PKIB: variants seen among roughly 807,000 people sequenced by gnomAD.
The protein encoded by PKIB is cAMP-dependent protein kinase inhibitor beta.
In PKIB, 2 loss-of-function variants were observed where a neutral mutation model predicts 4.5. The ratio of observed to expected loss-of-function variants is 0.44; its 90% confidence interval spans 0.18 to 1.39. The LOEUF is 1.39. PKIB is among the 40% of genes most tolerant of loss of function. PKIB has a pLI of 0.27. For synonymous variants in PKIB, 38 were observed against 36.0 expected, an observed-to-expected ratio of 1.06 and a Z score of -0.20; for missense variants, 94 against 92.6, an observed-to-expected ratio of 1.02 and a Z score of -0.06.
intron 2 of PKIB, among the ~76,000 whole-genome samples, chr6:122,671,215 CCAGGAGGCGGAGGTTG>C (rs1239379249): frequency 6.6e-6 from 1 of 151,776 alleles, no homozygotes; most frequent in East Asian, 1.9e-4. Context: ...TGGCTTGAAC[CCAGGAGGCGGAGGTTG>C]CAGTGAGCCA....
intron 3 of PKIB, among the ~76,000 whole-genome samples, chr6:122,707,840 C>T (rs1205971771): frequency 6.6e-6 from 1 of 152,042 alleles, no homozygotes. Context: ...GGTTATGCAC[C>T]AGAATTACAA....
upstream of PKIB, among the ~76,000 whole-genome samples, chr6:122,609,075 G>A (rs746286615): frequency 2.0e-5 from 3 of 152,138 alleles, no homozygotes; most frequent in Non-Finnish European, 4.4e-5. Flanking sequence ...ATTAATGCTT[G>A]TGTAACCACA....
intron 1 of PKIB, among the ~76,000 whole-genome samples, chr6:122,614,388 A>G (rs951370592): frequency 6.6e-6 from 1 of 152,208 alleles, no homozygotes; most frequent in Admixed American, 6.5e-5. Context: ...ATCTACAGAC[A>G]ATATGAATGG....
chr6:122,638,498 G>A (rs1052388255), intron 2 of PKIB, among the ~76,000 whole-genome samples: 1 of 152,178 alleles, frequency 6.6e-6, no homozygotes, highest in African/African-American at 2.4e-5. Context: ...CCTCCAGAGA[G>A]CACTCACTCT....
chr6:122,507,031 T>G (rs867276102), intron 2 of PKIB, among the ~76,000 whole-genome samples: 2 of 152,246 alleles, frequency 1.3e-5, no homozygotes, highest in African/African-American at 4.8e-5. Flanking sequence ...TTTTTAAATT[T>G]TTTCACCATT....
chr6:122,501,676 C>T (rs562669935), intron 2 of PKIB, among the ~76,000 whole-genome samples: 2 of 152,200 alleles, frequency 1.3e-5, no homozygotes, highest in Non-Finnish European at 2.9e-5. Context: ...ATTTTTCCCT[C>T]CTAGACCTCC....
chr6:122,578,927 C>T (rs146351933), intron 2 of PKIB, among the ~76,000 whole-genome samples: 55 of 152,292 alleles, frequency 3.6e-4, no homozygotes, highest in African/African-American at 1.3e-3. Context: ...TCCTTTTTCT[C>T]CTTCCTGCCA....
At chr6:122,677,914 C>T (rs1050587553) in intron 3 of PKIB, among the ~76,000 whole-genome samples, 4 of 148,238 alleles carry the variant, frequency 2.7e-5, no homozygotes, top group African/African-American at 1.0e-4. Context: ...TTTCCTCTTT[C>T]TTTTTTTGTT....
At chr6:122,506,211 A>G (rs1056277175) in intron 2 of PKIB, among the ~76,000 whole-genome samples, 4 of 152,166 alleles carry the variant, frequency 2.6e-5, no homozygotes, top group African/African-American at 9.7e-5. Context: ...AAATCAATAC[A>G]GGTGAAAAGG....
At chr6:122,625,921 T>C (rs1775423820) in intron 1 of PKIB, among the ~76,000 whole-genome samples, 1 of 151,860 alleles carries the variant, frequency 6.6e-6, no homozygotes, top group Non-Finnish European at 1.5e-5. Flanking sequence ...ATACAACAAT[T>C]AGTCAGGTGT....
intron 3 of PKIB, among the ~76,000 whole-genome samples, chr6:122,675,703 A>T (rs1193355901): frequency 1.3e-5 from 2 of 152,156 alleles, no homozygotes; most frequent in South Asian, 2.1e-4. Context: ...AATCTAGGAG[A>T]CTTTTTCTAT....
intron 2 of PKIB, among the ~76,000 whole-genome samples, chr6:122,549,628 T>C (rs1772609812): frequency 6.6e-6 from 1 of 152,040 alleles, no homozygotes; most frequent in Non-Finnish European, 1.5e-5. Context: ...TATATTCTCT[T>C]GCTCTTTTAA....
intron 2 of PKIB, among the ~76,000 whole-genome samples, chr6:122,638,013 T>C (rs1458675199): frequency 1.3e-5 from 2 of 152,190 alleles, no homozygotes; most frequent in African/African-American, 4.8e-5. Context: ...TAAAATAAGT[T>C]ATCACTAATA....
chr6:122,543,708 G>C (rs1165869047), intron 2 of PKIB, among the ~76,000 whole-genome samples: 1 of 151,864 alleles, frequency 6.6e-6, no homozygotes, highest in Non-Finnish European at 1.5e-5. Context: ...TAAGAGATTG[G>C]GGTGACCATG....
chr6:122,673,800 A>AGCCT (rs1777558285), intron 2 of PKIB, among the ~76,000 whole-genome samples: 1 of 152,226 alleles, frequency 6.6e-6, no homozygotes, highest in South Asian at 2.1e-4. Context: ...GCTTAAAAAA[A>AGCCT]TGTGTTTGCA....
chr6:122,480,434 T>C (rs1278221316), intron 2 of PKIB: 4 of 152,362 alleles, frequency 2.6e-5, no homozygotes, highest in Admixed American at 2.6e-4. Flanking sequence ...ATTTTATGCA[T>C]GTTTGAGTAA....
intron 1 of PKIB, among the ~76,000 whole-genome samples, chr6:122,626,078 A>G (rs1284008287): frequency 6.6e-6 from 1 of 151,526 alleles, no homozygotes; most frequent in Non-Finnish European, 1.5e-5. Context: ...CAAAATATAG[A>G]TAGATAGATA....
At chr6:122,722,887 TCAC>T (rs1779799090) in intron 4 of PKIB, among the ~76,000 whole-genome samples, 2 of 152,264 alleles carry the variant, frequency 1.3e-5, no homozygotes, top group East Asian at 3.9e-4. Flanking sequence ...GATTTTCACC[TCAC>T]CACATCACCC....
At chr6:122,605,854 A>T (rs1562267131), upstream of PKIB, among the ~76,000 whole-genome samples, 1 of 152,178 alleles carries the variant, frequency 6.6e-6, no homozygotes, top group Non-Finnish European at 1.5e-5. Context: ...TCACAGTTTG[A>T]AAGCTTTAGA....
Sources: allele counts gnomAD v4.1 joint callset (sites outside exome capture counted in the v4.1 genomes callset), GRCh38; gene constraint gnomAD v4.1.1; transcripts MANE v1.5; gene names NCBI Gene and HGNC (gene_info 2026-07-23, HGNC 2026-07-21).